The following NAA11 variants were observed in gnomAD, a reference collection of about 807,000 sequenced individuals.
The protein encoded by NAA11 is N-alpha-acetyltransferase 11.
A neutral mutation model predicts 16.1 loss-of-function variants in NAA11; 15 were observed. The ratio of observed to expected loss-of-function variants is 0.93; its 90% CI spans 0.62 to 1.44. NAA11 has a LOEUF of 1.44. NAA11 is among the 40% of genes most tolerant of loss of function. The pLI is 0.00. For synonymous variants in NAA11, 122 were observed against 112.4 expected, an observed-to-expected ratio of 1.09 and a Z score of -0.54; for missense variants, 298 against 291.3, an observed-to-expected ratio of 1.02 and a Z score of -0.17.
At chr4:79,177,802 C>T in the NAA11 span, among the ~76,000 whole-genome samples, 2 of 151,968 alleles carry the variant, frequency 1.3e-5, no homozygotes, top group African/African-American at 2.4e-5. Context: ...AGATAATTTC[C>T]CTCACATGAA....
At chr4:79,281,065 T>A (rs1019126342) in intron 2 of NAA11, among the ~76,000 whole-genome samples, 1 of 151,952 alleles carries the variant, frequency 6.6e-6, no homozygotes, top group Non-Finnish European at 1.5e-5. Context: ...TGCAAATGTT[T>A]CCTAGCAATT....
the NAA11 span, among the ~76,000 whole-genome samples, chr4:79,196,979 A>AAAAAAAAAAAAAAAAAAAAGAAAG: frequency 8.0e-6 from 1 of 125,556 alleles, no homozygotes; most frequent in African/African-American, 3.0e-5. Context: ...AAAAAAAAAA[A>AAAAAAAAAAAAAAAAAAAAGAAAG]AAAGAAAGAA....
chr4:79,272,657 A>T (rs1051597980), intron 2 of NAA11, among the ~76,000 whole-genome samples: 6 of 152,068 alleles, frequency 3.9e-5, no homozygotes, highest in Non-Finnish European at 7.4e-5. Flanking sequence ...CTCAGGAGTT[A>T]TGTCATCAGT....
At chr4:79,219,423 G>A in the NAA11 span, among the ~76,000 whole-genome samples, 5 of 152,120 alleles carry the variant, frequency 3.3e-5, no homozygotes, top group Non-Finnish European at 5.9e-5. Context: ...AAGCTGTTAT[G>A]ATATTGGCTT....
At position 79,325,713 on chromosome 4, in the gene NAA11, A is replaced by G. The variant is rs187544715; in HGVS notation, c.165T>C (p.Tyr55=). The G allele has an allele frequency of 1.8e-5, 29 of 1,614,206 alleles. No homozygotes were observed. The highest frequency in any genetic ancestry group is 6.7e-5 in the Admixed American group (4 of 60,024). The change falls in exon 1 of 2, where the codon TAT becomes TAC. Residue 55 remains tyrosine, a synonymous_variant. Transcript: ENST00000286794. ...AEDEDGKIVG[Y]VLAKMEEEPD... ...GTTCCTCCTCCATTTTGGCCAGAAC[A>G]TAGCCCACAATCTTCCCGTCCTCAT...
the NAA11 span, among the ~76,000 whole-genome samples, chr4:79,181,634 C>G: frequency 2.0e-5 from 3 of 152,154 alleles, no homozygotes; most frequent in Non-Finnish European, 2.9e-5. Context: ...TTAACAGTCT[C>G]GTAGTTTATT....
the NAA11 span, among the ~76,000 whole-genome samples, chr4:79,161,499 T>C: frequency 6.6e-6 from 1 of 152,210 alleles, no homozygotes; most frequent in Admixed American, 6.5e-5. Flanking sequence ...TTTTTGCTAT[T>C]CTGGATTCCT....
chr4:79,271,488 T>C (rs1012966894), intron 2 of NAA11, among the ~76,000 whole-genome samples: 2 of 152,068 alleles, frequency 1.3e-5, no homozygotes, highest in Non-Finnish European at 2.9e-5. Flanking sequence ...AAAAATTTGT[T>C]TCCTTGTGAA....
intron 2 of NAA11, among the ~76,000 whole-genome samples, chr4:79,252,086 C>T (rs566480797): frequency 2.6e-4 from 39 of 152,254 alleles, no homozygotes; most frequent in African/African-American, 8.9e-4. Flanking sequence ...AACTCATAAA[C>T]AAAGTCAAAT....
the NAA11 span, among the ~76,000 whole-genome samples, chr4:79,194,164 G>A: frequency 0.059 from 8,830 of 150,004 alleles, 360 homozygotes; most frequent in Middle Eastern, 0.12. Context: ...CATGTCATCT[G>A]CAAACAGGGA....
the NAA11 span, among the ~76,000 whole-genome samples, chr4:79,157,215 A>T: frequency 4.6e-5 from 7 of 152,276 alleles, no homozygotes; most frequent in South Asian, 4.1e-4. Context: ...CAAGCAGTAT[A>T]CACTGAACCC....
chr4:79,171,478 T>C, the NAA11 span, among the ~76,000 whole-genome samples: 1 of 152,170 alleles, frequency 6.6e-6, no homozygotes, highest in African/African-American at 2.4e-5. Context: ...AATTACCCAG[T>C]TTCAGGTATT....
intron 1 of NAA11, among the ~76,000 whole-genome samples, chr4:79,309,802 A>G: frequency 7.7e-6 from 1 of 129,400 alleles, no homozygotes; most frequent in Non-Finnish European, 1.5e-5. Context: ...TGCAACCTCC[A>G]TCTCCCGGGT....
the NAA11 span, among the ~76,000 whole-genome samples, chr4:79,166,522 T>A: frequency 7.0e-6 from 1 of 143,492 alleles, no homozygotes; most frequent in Non-Finnish European, 1.5e-5. Flanking sequence ...TGCCTATTAC[T>A]TTTTTTTTTG....
intron 2 of NAA11, among the ~76,000 whole-genome samples, chr4:79,262,375 T>C (rs1722261399): frequency 6.6e-6 from 1 of 152,194 alleles, no homozygotes; most frequent in African/African-American, 2.4e-5. Flanking sequence ...AAATGTTTGA[T>C]CAATATAGCT....
chr4:79,155,492 G>A, the NAA11 span, among the ~76,000 whole-genome samples: 1 of 152,172 alleles, frequency 6.6e-6, no homozygotes, highest in Non-Finnish European at 1.5e-5. Flanking sequence ...TTTGCACAGT[G>A]AATTCTTGAT....
the NAA11 span, among the ~76,000 whole-genome samples, chr4:79,167,132 TTATATA>T: frequency 0.051 from 888 of 17,290 alleles, 188 homozygotes; most frequent in African/African-American, 0.13. Flanking sequence ...ACAGCTTATT[TTATATA>T]TATATATATA....
At chr4:79,204,328 A>G in the NAA11 span, among the ~76,000 whole-genome samples, 20 of 152,070 alleles carry the variant, frequency 1.3e-4, no homozygotes, top group East Asian at 2.9e-3. Flanking sequence ...TAACAATAAA[A>G]TTATAGATAA....
chr4:79,239,701 GA>G (rs796265290), intron 2 of NAA11, among the ~76,000 whole-genome samples: 5 of 149,772 alleles, frequency 3.3e-5, no homozygotes, highest in South Asian at 2.1e-4. Flanking sequence ...CTCTGTCTCG[GA>G]AAAAAAAAAT....
Sources: gnomAD v4.1 joint callset for allele counts (sites outside exome capture counted in the v4.1 genomes callset) on GRCh38, gnomAD v4.1.1 for gene constraint, MANE v1.5 for transcripts, NCBI Gene and HGNC (gene_info 2026-07-23, HGNC 2026-07-21) for gene names.